The following N4BP2 variants were observed in gnomAD, a reference collection of about 807,000 sequenced individuals.
N4BP2 encodes the protein NEDD4 binding protein 2.
N4BP2 carries 91 observed loss-of-function variants against 152.8 expected under a neutral mutation model. That is an observed-to-expected ratio of 0.60 (90% CI 0.50 to 0.71). The LOEUF is 0.71. Among genes scored for constraint, N4BP2 ranks in the 30% least tolerant of loss-of-function variants. N4BP2 has a pLI of 0.00. For missense variants in N4BP2, 1,923 were observed against 2,059.1 expected, an observed-to-expected ratio of 0.93 and a Z score of 1.28; for synonymous variants, 646 against 705.3, an observed-to-expected ratio of 0.92 and a Z score of 1.33.
chr4:40,067,530 T>A (rs974503128), intron 1 of N4BP2, among the ~76,000 whole-genome samples: 1 of 152,072 alleles, frequency 6.6e-6, no homozygotes, highest in Non-Finnish European at 1.5e-5. Flanking sequence ...TGTTATTAAT[T>A]ATTTTGGATA....
At chr4:40,068,899 A>G (rs762017217) in intron 1 of N4BP2, among the ~76,000 whole-genome samples, 11 of 152,138 alleles carry the variant, frequency 7.2e-5, no homozygotes, top group Non-Finnish European at 1.3e-4. Context: ...CAGGTGGATC[A>G]CTTGAGGTCA....
downstream of N4BP2, among the ~76,000 whole-genome samples, chr4:40,160,850 A>G (rs1330906524): frequency 2.6e-5 from 4 of 152,194 alleles, no homozygotes; most frequent in African/African-American, 7.2e-5. Context: ...ACTCATGTTA[A>G]GTTTTAGTTT....
At chr4:40,108,349 G>A (rs1393006296) in intron 5 of N4BP2, among the ~76,000 whole-genome samples, 2 of 151,566 alleles carry the variant, frequency 1.3e-5, no homozygotes, top group Non-Finnish European at 2.9e-5. Context: ...GTCTTGCTTT[G>A]TTGCCCAGGC....
In N4BP2 at chr4:40,122,152, T is replaced by C. The variant is rs1715100103; in HGVS notation, c.4041T>C (p.Ser1347=). ...AGGAAATTCTAATGGCAGGAAGTAG[T>C]TTATCAGCTGGAGTTAGTGGGGAAG... ...EMKEILMAGS[S]LSAGVSGEDK... is the part of the protein sequence containing the mutation. The change falls in exon 9 of 18, where the codon AGT becomes AGC. Residue 1347 remains serine (S), a synonymous_variant. Transcript: ENST00000261435. The C allele has an allele frequency of 3.1e-6, 5 of 1,611,852 alleles. No individual in the cohort carries two copies. Among genetic ancestry groups the C allele is most frequent in the Non-Finnish European group, 4.2e-6 (5 of 1,178,696 alleles).
At chr4:40,129,824 C>T (rs1258941455) in intron 12 of N4BP2, among the ~76,000 whole-genome samples, 1 of 151,858 alleles carries the variant, frequency 6.6e-6, no homozygotes, top group African/African-American at 2.4e-5. Flanking sequence ...GAGAAATATA[C>T]TTTGTATATA....
chr4:40,144,611 G>A (rs764436167), intron 15 of N4BP2, 21 bp from the exon 16 acceptor site: 3 of 1,578,170 alleles, frequency 1.9e-6, no homozygotes, highest in South Asian at 2.3e-5. Context: ...ACTGTCCCTT[G>A]GTGATATGTT....
At chr4:40,136,916 A>G (rs1719459187) in intron 13 of N4BP2, 28 bp from the exon 14 acceptor site, 4 of 1,547,540 alleles carry the variant, frequency 2.6e-6, no homozygotes, top group Admixed American at 3.5e-5. Flanking sequence ...ATTTATTGAC[A>G]TTATGTTTCT....
At chr4:40,072,652 T>G (rs1019815608) in intron 1 of N4BP2, among the ~76,000 whole-genome samples, 2 of 151,116 alleles carry the variant, frequency 1.3e-5, no homozygotes, top group African/African-American at 4.9e-5. Context: ...CCCCCAGGCC[T>G]CCCAAAGTAA....
At chr4:40,122,331 A>G (rs377653995) in intron 9 of N4BP2, 22 bp downstream of exon 9, 1 of 1,470,860 alleles carries the variant, frequency 6.8e-7, no homozygotes, top group Non-Finnish European at 9.2e-7. Context: ...GTAAATGACC[A>G]TGTGTGTGTC....
Position 40,120,894 on chromosome 4 carries a change from A to T in N4BP2, c.2783A>T (p.Glu928Val). The T allele has an allele frequency of 6.2e-7, 1 of 1,614,112 alleles. No homozygotes were observed. Among genetic ancestry groups the T allele is most frequent in the Non-Finnish European group, 8.5e-7 (1 of 1,180,012 alleles). The change falls in exon 9 of 18, where the codon GAG becomes GTG. Residue 928 changes from glutamate to valine, a missense_variant. Transcript: ENST00000261435. The stretch of plus-strand genomic sequence containing the variant: ...GAAATATCCTTATCTACAGCACATG[A>T]GGCCTGTTGGGGCACAAGCTCTCAA... ...MNEISLSTAH[E>V]ACWGTSSQKL...
chr4:40,076,339 GGT>G (rs1712728595), intron 2 of N4BP2, among the ~76,000 whole-genome samples: 3 of 152,010 alleles, frequency 2.0e-5, no homozygotes, highest in Admixed American at 2.0e-4. Flanking sequence ...AGCCAGGCGT[GGT>G]GGTGCACACC....
At position 40,117,988 on chromosome 4, in the gene N4BP2, AG is replaced by A. The variant is rs766631772; in HGVS notation, c.1785del (p.Glu595AspfsTer33). On this transcript the variant is annotated frameshift_variant, in exon 8 of 18. Coordinates refer to ENST00000261435, the MANE Select transcript of N4BP2 (RefSeq NM_018177.6). LOFTEE classifies it high-confidence loss of function. ...SSVPEKIERI[E>X]LCAYSCEDRS... ...GTTCCAGAGAAAATTGAACGTATTG[AG>A]TTGTGTGCATATTCTTGTGAGGATA... 6.2e-7 allele frequency: 1 copy of A among 1,609,528 alleles called. No individual in the cohort carries two copies. The highest frequency in any genetic ancestry group is 8.5e-7 in the Non-Finnish European group (1 of 1,177,790).
At chr4:40,148,310 G>A (rs1184574059) in intron 16 of N4BP2, among the ~76,000 whole-genome samples, 5 of 152,214 alleles carry the variant, frequency 3.3e-5, no homozygotes, top group Admixed American at 6.5e-5. Flanking sequence ...AACCAGTCAC[G>A]CATGGCGGCG....
intron 8 of N4BP2, among the ~76,000 whole-genome samples, chr4:40,118,807 C>T (rs1717590264): frequency 6.6e-6 from 1 of 152,170 alleles, no homozygotes; most frequent in South Asian, 2.1e-4. Context: ...TGACAATTTG[C>T]AATCCAAGGT....
intron 16 of N4BP2, among the ~76,000 whole-genome samples, chr4:40,149,065 G>T (rs555318050): frequency 2.9e-3 from 441 of 152,306 alleles, no homozygotes; most frequent in Middle Eastern, 6.8e-3. Flanking sequence ...TCTTTGAAAG[G>T]TTAAACATAT....
intron 2 of N4BP2, among the ~76,000 whole-genome samples, chr4:40,090,885 A>G (rs1714463520): frequency 6.8e-6 from 1 of 147,712 alleles, no homozygotes; most frequent in Non-Finnish European, 1.5e-5. Flanking sequence ...GTGAGCCAAG[A>G]TCACGCCATT....
chr4:40,144,836 A>G lies in N4BP2; in HGVS notation c.5143+36A>G, dbSNP rs762863021. 1.2e-5 allele frequency: 18 copies of G among 1,543,650 alleles called. No homozygotes were observed. The African/African-American group carries it at 1.9e-4, about 17-fold the overall frequency. On this transcript the variant is annotated intron_variant, in intron 16 of 17. Transcript: ENST00000261435. ...GGTAATCACAAGTTTTCAATAGAAT[A>G]TATGTCTTTGCTTATATTGGTATAG...
chr4:40,125,349 T>A (rs1718292003), intron 11 of N4BP2, among the ~76,000 whole-genome samples: 1 of 152,204 alleles, frequency 6.6e-6, no homozygotes, highest in Non-Finnish European at 1.5e-5. Context: ...AATGTTCAGT[T>A]CCTTATTTTG....
chr4:40,140,969 A>G (rs1478006677), intron 14 of N4BP2, among the ~76,000 whole-genome samples: 1 of 150,858 alleles, frequency 6.6e-6, no homozygotes, highest in Admixed American at 6.6e-5. Context: ...AACAAAATGA[A>G]AAGTCTCCCA....
Sources: allele counts gnomAD v4.1 joint callset (sites outside exome capture counted in the v4.1 genomes callset), GRCh38; gene constraint gnomAD v4.1.1; transcripts MANE v1.5; gene names NCBI Gene and HGNC (gene_info 2026-07-23, HGNC 2026-07-21).